MITD1: variants seen among roughly 807,000 people sequenced by gnomAD.
MITD1 encodes the protein MIT domain-containing protein 1.
A neutral mutation model predicts 34.9 loss-of-function variants in MITD1; 24 were observed. The observed-to-expected ratio is 0.69, with a 90% confidence interval of 0.50 to 0.97. The LOEUF is 0.97. Among genes scored for constraint, MITD1 ranks in the 50% least tolerant of loss-of-function variants. The probability of loss-of-function intolerance (pLI) is 0.00; values close to 1 mark genes in which losing one functional copy is unlikely to be tolerated. For missense variants in MITD1, 266 were observed against 294.6 expected (o/e 0.90, Z 0.71); for synonymous variants, 102 against 101.4 (o/e 1.01, Z -0.04).
downstream of MITD1, among the ~76,000 whole-genome samples, chr2:99,168,136 T>G (rs2093835426): frequency 6.6e-6 from 1 of 151,984 alleles, no homozygotes; most frequent in Non-Finnish European, 1.5e-5. Context: ...CTGGGTTTTT[T>G]TATTTGTTTC....
chr2:99,176,871 G>A (rs553253951), intron 1 of MITD1, among the ~76,000 whole-genome samples: 2 of 152,204 alleles, frequency 1.3e-5, no homozygotes, highest in South Asian at 4.1e-4. Flanking sequence ...TTTTATTGAA[G>A]AATGGCATTG....
intron 1 of MITD1, among the ~76,000 whole-genome samples, chr2:99,179,489 G>A (rs1291772175): frequency 1.3e-5 from 2 of 152,178 alleles, no homozygotes; most frequent in African/African-American, 4.8e-5. Flanking sequence ...ACTGAAACGT[G>A]ATATCTATGC....
Position 99,171,633 on chromosome 2 carries a change from G to A in MITD1, c.267C>T (p.His89=), listed in dbSNP as rs1248851527. The part of the protein sequence containing the change: ...LDQEKEDGKY[H]KQIKIEENAT... ...CATTCTCTTCTATTTTAATTTGCTT[G>A]TGATATTTTCCATCTATAAAACACA... The change falls in exon 3 of 7, where the codon CAC becomes CAT. Residue 89 remains histidine (H), a synonymous_variant. Coordinates refer to ENST00000289359, the MANE Select transcript of MITD1 (RefSeq NM_138798.3). 1 of 1,612,958 alleles carries A rather than the reference G, an allele frequency of 6.2e-7. No homozygotes were observed. Among genetic ancestry groups the A allele is most frequent in the Non-Finnish European group, 8.5e-7 (1 of 1,179,584 alleles).
chr2:99,171,685 T>C, intron 2 of MITD1, 39 bp from the exon 3 acceptor site: 2 of 1,289,770 alleles, frequency 1.6e-6, no homozygotes, highest in Non-Finnish European at 2.1e-6. Context: ...CCAGTGACCA[T>C]TTTTTTTTTA....
chr2:99,170,423 G>T, intron 5 of MITD1, 114 bp downstream of exon 5: 1 of 263,206 alleles, frequency 3.8e-6, no homozygotes, highest in Non-Finnish European at 7.0e-6. Flanking sequence ...AGTTTTATTT[G>T]AATTTTAAAT....
chr2:99,163,179 C>CAAA lies in MITD1; in HGVS notation c.*4-964_*4-962dup, dbSNP rs35419218. On this transcript the variant is annotated intron_variant, in intron 7 of 7. Coordinates refer to the MITD1 transcript ENST00000422537. ...AAAACCTAGTCTCTTTTAGTAACGTCAAAAAAAAAAAACAAAACACAACAA... is the reference window on the plus strand; with the variant it reads ...AAAACCTAGTCTCTTTTAGTAACGTCAAAAAAAAAAAAAAACAAAACACAACAA... 5.6e-4 allele frequency: 195 copies of CAAA among 348,636 alleles called. 1 individual carries two copies. Among genetic ancestry groups the CAAA allele is most frequent in the East Asian group, 1.6e-3 (29 of 18,196 alleles). The allele number at this position is 348,636 out of a possible 1,614,324, so 21.6% of individuals were successfully genotyped here.
At chr2:99,171,793 T>C in intron 2 of MITD1, 147 bp from the exon 3 acceptor site, 2 of 711,428 alleles carry the variant, frequency 2.8e-6, no homozygotes, top group South Asian at 2.0e-5. Context: ...CTACTAAATA[T>C]CATATACATT....
chr2:99,180,970 G>A lies in MITD1; in HGVS notation c.12C>T (p.Ser4=), dbSNP rs369111031. MAK[S]GLRQDPQSTA... Reference sequence around the variant, plus strand: ...TGCTCTGCGGGTCCTGCCTCAGCCCGGACTTCGCCATAATTCTGGAAGTTC... The same window carrying A: ...TGCTCTGCGGGTCCTGCCTCAGCCCAGACTTCGCCATAATTCTGGAAGTTC... The change falls in exon 1 of 7, where the codon TCC becomes TCT. Residue 4 remains serine, a synonymous_variant. Transcript: ENST00000289359. 8.7e-6 allele frequency: 14 copies of A among 1,613,332 alleles called. No individual in the cohort carries two copies. The African/African-American group carries it at 1.5e-4, about 17-fold the overall frequency.
chr2:99,165,053 C>CAT, downstream of MITD1, among the ~76,000 whole-genome samples: 1 of 126,092 alleles, frequency 7.9e-6, no homozygotes, highest in Admixed American at 9.1e-5. Context: ...CACACACACA[C>CAT]ACACACACAT....
chr2:99,173,268 G>A (rs1278619424), intron 2 of MITD1: 7 of 293,112 alleles, frequency 2.4e-5, no homozygotes. Flanking sequence ...CTGGGGCCTG[G>A]GGGCACTGGC....
chr2:99,163,216 T>C lies in MITD1; in HGVS notation c.*4-998A>G, dbSNP rs2093811195. 5.8e-6 allele frequency: 3 copies of C among 521,236 alleles called. No homozygotes were observed. In the East Asian group the frequency reaches 9.9e-5, roughly 17 times the overall value. 32.3% of individuals were successfully genotyped at this position (521,236 alleles called of 1,614,324 possible). A position where few individuals can be genotyped will look rare whatever the true frequency, so the allele number is the denominator to read the frequency against. ...ACAAAACACAACAACCTAGTCTCTT[T>C]CAGTAACTTCTCCCCATCTGAAATT... On this transcript the variant is annotated intron_variant, in intron 7 of 7. Coordinates refer to the MITD1 transcript ENST00000422537.
chr2:99,170,816 G>T (rs1445189608), intron 4 of MITD1, 164 bp from the exon 5 acceptor site: 7 of 416,970 alleles, frequency 1.7e-5, no homozygotes, highest in African/African-American at 4.0e-5. Context: ...GTAGTTTAAA[G>T]AGCAATTATT....
At chr2:99,166,940 G>A (rs6542869), downstream of MITD1, among the ~76,000 whole-genome samples, 91,379 of 144,606 alleles carry the variant, frequency 0.63, 29,118 homozygotes, top group East Asian at 0.89. Flanking sequence ...AGATTTCTTT[G>A]TATGGTGTCA....
At chr2:99,166,978 C>T (rs1251649533), downstream of MITD1, among the ~76,000 whole-genome samples, 1 of 149,046 alleles carries the variant, frequency 6.7e-6, no homozygotes, top group East Asian at 1.9e-4. Context: ...TTTCTTTATG[C>T]GGAGTAAGAC....
At chr2:99,166,858 AATATATATATATATAT>A (rs10584187), downstream of MITD1, among the ~76,000 whole-genome samples, 5,190 of 115,450 alleles carry the variant, frequency 0.045, 337 homozygotes, top group African/African-American at 0.15. Flanking sequence ...TGGGGTTTTA[AATATATATATATATAT>A]ATATATATAT....
In MITD1 at chr2:99,171,522, T is replaced by C. The variant is rs138381018; in HGVS notation, c.378A>G (p.Arg126=). 12 of 1,609,778 alleles carry C rather than the reference T, an allele frequency of 7.5e-6. No individual in the cohort carries two copies. Among genetic ancestry groups the C allele is most frequent in the Admixed American group, 6.7e-5 (4 of 59,952 alleles). The part of the protein sequence containing the change: ...TEVWIEDPYI[R]HTHQLYNFLR... ...TATGTTCACATACCTGATGAGTATG[T>C]CTAATATAAGGATCTTCTATCCAAA... The change falls in exon 3 of 7, where the codon AGA becomes AGG. Residue 126 remains arginine, a synonymous_variant. Coordinates refer to ENST00000289359, the MANE Select transcript of MITD1 (RefSeq NM_138798.3).
downstream of MITD1, chr2:99,161,853 A>C (rs1040955593): frequency 1.2e-5 from 12 of 1,025,112 alleles, no homozygotes; most frequent in Non-Finnish European, 1.4e-5. Flanking sequence ...ACTGCACTGG[A>C]TACTTTAAGT....
chr2:99,171,205 T>C (rs1407343924), intron 4 of MITD1, 138 bp downstream of exon 4: 4 of 671,006 alleles, frequency 6.0e-6, no homozygotes, highest in South Asian at 1.9e-5. Flanking sequence ...TGACATGTTA[T>C]GCATACTGTT....
chr2:99,174,530 C>T (rs2093876163), intron 1 of MITD1, among the ~76,000 whole-genome samples: 1 of 152,118 alleles, frequency 6.6e-6, no homozygotes, highest in Non-Finnish European at 1.5e-5. Flanking sequence ...CAACAAATCA[C>T]TTCTTGTTCC....
Sources: gnomAD v4.1 joint callset for allele counts (sites outside exome capture counted in the v4.1 genomes callset) on GRCh38, gnomAD v4.1.1 for gene constraint, MANE v1.5 for transcripts, NCBI Gene and HGNC (gene_info 2026-07-23, HGNC 2026-07-21) for gene names.